NF1: variants seen among roughly 807,000 people sequenced by gnomAD.
NF1 encodes the protein neurofibromin.
NF1 carries 122 observed loss-of-function variants against 325.7 expected under a neutral mutation model. The ratio of observed to expected loss-of-function variants is 0.37; its 90% CI spans 0.32 to 0.44. The LOEUF is 0.44. Ranked by LOEUF, NF1 falls within the 20% of genes least tolerant of loss-of-function variation. The pLI, the probability that NF1 is intolerant of heterozygous loss-of-function variation, is 1.00. For missense variants in NF1, 2,140 were observed against 3,415.4 expected (o/e 0.63, Z 9.31); for synonymous variants, 1,091 against 1,186.0 (o/e 0.92, Z 1.65).
intron 57 of NF1, among the ~76,000 whole-genome samples, chr17:31,369,353 G>A (rs1263556484): frequency 1.3e-5 from 2 of 152,168 alleles, no homozygotes; most frequent in Admixed American, 6.5e-5. Flanking sequence ...CTTCTAGTTA[G>A]GATTTTGTCT....
At chr17:31,144,304 T>C (rs1396554574) in intron 1 of NF1, among the ~76,000 whole-genome samples, 1 of 152,252 alleles carries the variant, frequency 6.6e-6, no homozygotes, top group East Asian at 1.9e-4. Flanking sequence ...TGAGTAAGAC[T>C]GTTTTCTAAC....
intron 36 of NF1, chr17:31,303,742 T>A (rs1487131683): frequency 6.6e-6 from 1 of 152,390 alleles, no homozygotes; most frequent in African/African-American, 2.4e-5. Flanking sequence ...TGTTTTACTC[T>A]TTGCAATGAA....
intron 1 of NF1, among the ~76,000 whole-genome samples, chr17:31,153,842 G>A (rs973207353): frequency 6.6e-6 from 1 of 151,322 alleles, no homozygotes; most frequent in Admixed American, 6.6e-5. Flanking sequence ...TTGAACTCCT[G>A]GACTCAAGCA....
chr17:31,277,262 G>A (rs527735162), intron 36 of NF1, among the ~76,000 whole-genome samples: 27 of 152,068 alleles, frequency 1.8e-4, no homozygotes, highest in Middle Eastern at 3.4e-3. Flanking sequence ...GTTGTTTAAG[G>A]GTCAACTGTA....
chr17:31,346,252 G>A, intron 48 of NF1: 2 of 1,593,828 alleles, frequency 1.3e-6, no homozygotes, highest in Non-Finnish European at 1.7e-6. Context: ...TGTAGTATTG[G>A]TGCTGTGTCC....
intron 36 of NF1, among the ~76,000 whole-genome samples, chr17:31,266,581 C>A (rs2067793848): frequency 6.6e-6 from 1 of 152,128 alleles, no homozygotes; most frequent in Admixed American, 6.6e-5. Context: ...TGTATTCTAA[C>A]CCCAACCTTT....
chr17:31,207,228 A>G (rs1292433355), intron 12 of NF1, among the ~76,000 whole-genome samples: 2 of 152,116 alleles, frequency 1.3e-5, no homozygotes, highest in African/African-American at 2.4e-5. Flanking sequence ...ACATCAGAAA[A>G]GTCCTTGGTT....
intron 36 of NF1, chr17:31,304,980 T>A (rs1472299635): frequency 6.2e-7 from 1 of 1,614,206 alleles, no homozygotes; most frequent in Non-Finnish European, 8.5e-7. Flanking sequence ...AAGTCAGAAG[T>A]ACACCAATTA....
chr17:31,257,107 TTG>T (rs1186513512), intron 31 of NF1, among the ~76,000 whole-genome samples: 14 of 152,162 alleles, frequency 9.2e-5, no homozygotes. Context: ...CTGTCATAAT[TTG>T]TGTCATAATT....
chr17:31,230,852 G>A lies in NF1; in HGVS notation c.3124G>A (p.Val1042Ile), dbSNP rs1446427729. 4.4e-6 allele frequency: 7 copies of A among 1,605,100 alleles called. No individual in the cohort carries two copies. The highest frequency in any genetic ancestry group is 6.0e-6 in the Non-Finnish European group (7 of 1,173,012). The change falls in exon 24 of 58, where the codon GTA becomes ATA. Residue 1042 changes from valine (V) to isoleucine (I), a missense_variant. Val to Ile is a conservative substitution (Grantham distance 29). Coordinates refer to ENST00000358273, the MANE Select transcript of NF1 (RefSeq NM_001042492.3). ...TCCACCATTCTATAGGAATAAGATG[G>A]TAGAATACCTGACAGACTGGGTTAT... Reference protein sequence around the residue: ...CQEMKFRNKMVEYLTDWVMGT... With the variant: ...CQEMKFRNKMIEYLTDWVMGT...
chr17:31,261,139 A>G (rs1250245270), intron 34 of NF1, among the ~76,000 whole-genome samples: 1 of 151,964 alleles, frequency 6.6e-6, no homozygotes, highest in Non-Finnish European at 1.5e-5. Context: ...GCTACTCGGG[A>G]GGCTGAGCCA....
At chr17:31,347,026 G>GAA (rs71278515) in intron 48 of NF1, among the ~76,000 whole-genome samples, 22 of 144,746 alleles carry the variant, frequency 1.5e-4, no homozygotes, top group Middle Eastern at 3.5e-3. Flanking sequence ...CTTTTATTGT[G>GAA]AAAAAAAAAA....
intron 36 of NF1, among the ~76,000 whole-genome samples, chr17:31,268,298 A>G (rs919689786): frequency 6.6e-6 from 1 of 152,154 alleles, no homozygotes; most frequent in Non-Finnish European, 1.5e-5. Context: ...CCCTATGTCC[A>G]GTATGTGCTC....
At chr17:31,339,651 C>T (rs2069767881) in intron 46 of NF1, among the ~76,000 whole-genome samples, 3 of 152,040 alleles carry the variant, frequency 2.0e-5, no homozygotes, top group Admixed American at 2.0e-4. Context: ...AATAACTTGC[C>T]CAAAGTCACA....
At chr17:31,291,696 C>T (rs943482477) in intron 36 of NF1, among the ~76,000 whole-genome samples, 3 of 152,158 alleles carry the variant, frequency 2.0e-5, no homozygotes, top group Non-Finnish European at 4.4e-5. Context: ...TTGATAGCAT[C>T]ATTATGGAAG....
chr17:31,212,244 C>T (rs1325911535), intron 12 of NF1, among the ~76,000 whole-genome samples: 2 of 152,190 alleles, frequency 1.3e-5, no homozygotes, highest in African/African-American at 4.8e-5. Flanking sequence ...GTGTTACTGT[C>T]TTCCACCTCC....
chr17:31,211,013 G>A (rs2066719892), intron 12 of NF1, among the ~76,000 whole-genome samples: 1 of 152,072 alleles, frequency 6.6e-6, no homozygotes, highest in African/African-American at 2.4e-5. Context: ...ACAAGTATTT[G>A]TTATTTCTCA....
At chr17:31,265,829 G>A (rs2067776982) in intron 36 of NF1, among the ~76,000 whole-genome samples, 1 of 152,146 alleles carries the variant, frequency 6.6e-6, no homozygotes, top group Non-Finnish European at 1.5e-5. Context: ...GGGGTGGCCT[G>A]GAAAACGGTG....
At chr17:31,273,287 C>T (rs1278334144) in intron 36 of NF1, among the ~76,000 whole-genome samples, 1 of 152,098 alleles carries the variant, frequency 6.6e-6, no homozygotes, top group African/African-American at 2.4e-5. Context: ...AAGCATTTCC[C>T]CAGTGCTGGG....
Sources: allele counts gnomAD v4.1 joint callset (sites outside exome capture counted in the v4.1 genomes callset), GRCh38; gene constraint gnomAD v4.1.1; transcripts MANE v1.5; gene names NCBI Gene and HGNC (gene_info 2026-07-23, HGNC 2026-07-21).